Variants in IL1RAPL1 observed in about 807,000 individuals in gnomAD.
IL1RAPL1 encodes interleukin 1 receptor accessory protein like 1.
IL1RAPL1 carries 3 observed loss-of-function variants against 48.4 expected under a neutral mutation model. The observed-to-expected ratio is 0.06, with a 90% CI of 0.03 to 0.16. IL1RAPL1 has a LOEUF of 0.16. Ranked by LOEUF, IL1RAPL1 falls within the 10% of genes least tolerant of loss-of-function variation. The pLI, the probability that IL1RAPL1 is intolerant of heterozygous loss-of-function variation, is 1.00. For synonymous variants in IL1RAPL1, 185 were observed against 187.7 expected (o/e 0.99, Z 0.12); for missense variants, 349 against 530.6 (o/e 0.66, Z 3.36).
At position 28,858,548 on chromosome X, in the gene IL1RAPL1, G is replaced by A. The variant is rs768856756; in HGVS notation, c.82+69123G>A. Among the ~76,000 whole-genome samples the A allele has an allele frequency of 2.5e-3, 283 of 112,345 alleles. 1 individual carries two copies. Among genetic ancestry groups the A allele is most frequent in the African/African-American group, 8.7e-3 (269 of 30,950 alleles). On this transcript the variant is annotated intron_variant, in intron 2 of 10. Coordinates refer to ENST00000378993, the MANE Select transcript of IL1RAPL1 (RefSeq NM_014271.4). ...TCCACCAGCAAAAAGATTAAGATTTGTGGAAGGCTCAGATGATCATTAACA... is the reference window on the plus strand; with the variant it reads ...TCCACCAGCAAAAAGATTAAGATTTATGGAAGGCTCAGATGATCATTAACA...
chrX:29,562,034 TTCTATCTATCTATCTATCTATCTA>T (rs61324448), intron 5 of IL1RAPL1, among the ~76,000 whole-genome samples: 23 of 93,076 alleles, frequency 2.5e-4, no homozygotes, highest in South Asian at 1.5e-3. Flanking sequence ...TCTTTTTCAA[TTCTATCTATCTATCTATCTATCTA>T]TCTATCTATC....
chrX:29,937,037 G>T (rs947417931), intron 8 of IL1RAPL1, among the ~76,000 whole-genome samples: 3 of 111,446 alleles, frequency 2.7e-5, no homozygotes, highest in Non-Finnish European at 5.7e-5. Context: ...CTAAATGATC[G>T]CTGGGGCCCT....
intron 2 of IL1RAPL1, among the ~76,000 whole-genome samples, chrX:28,967,891 AGAG>A (rs1924959553): frequency 8.9e-6 from 1 of 112,042 alleles, no homozygotes; most frequent in African/African-American, 3.2e-5. Context: ...TAATTTGTAA[AGAG>A]GAGAAAAATA....
intron 3 of IL1RAPL1, among the ~76,000 whole-genome samples, chrX:29,333,189 C>T (rs1424500878): frequency 1.7e-4 from 18 of 106,909 alleles, no homozygotes; most frequent in Admixed American, 1.3e-3. Context: ...GGGTCGTGGC[C>T]GGGCAGAGGG....
At chrX:29,761,966 CCT>C (rs770483639) in intron 6 of IL1RAPL1, among the ~76,000 whole-genome samples, 15 of 111,666 alleles carry the variant, frequency 1.3e-4, no homozygotes, top group Non-Finnish European at 2.8e-4. Flanking sequence ...GTAGCATTCC[CCT>C]GTCTGTAATA....
At chrX:28,669,565 C>T (rs1024125422) in intron 1 of IL1RAPL1, among the ~76,000 whole-genome samples, 1 of 107,254 alleles carries the variant, frequency 9.3e-6, no homozygotes, top group South Asian at 3.9e-4. Context: ...TTGCAGTGAA[C>T]GGAGATTGCA....
intron 3 of IL1RAPL1, among the ~76,000 whole-genome samples, chrX:29,393,352 A>T (rs1405731580): frequency 1.8e-5 from 2 of 111,710 alleles, no homozygotes; most frequent in African/African-American, 6.5e-5. Context: ...CGATCTCCTG[A>T]CCTCGTGATC....
intron 2 of IL1RAPL1, among the ~76,000 whole-genome samples, chrX:28,852,122 G>A (rs1273153604): frequency 9.0e-6 from 1 of 111,437 alleles, no homozygotes; most frequent in South Asian, 3.7e-4. Flanking sequence ...GAACAGGGAC[G>A]CACACAGGGA....
intron 6 of IL1RAPL1, among the ~76,000 whole-genome samples, chrX:29,758,635 G>T (rs1928673757): frequency 9.2e-6 from 1 of 109,017 alleles, no homozygotes; most frequent in Non-Finnish European, 1.9e-5. Context: ...GGCGGAGGTT[G>T]CAGTGAGCCG....
intron 2 of IL1RAPL1, among the ~76,000 whole-genome samples, chrX:29,196,894 A>C (rs1046733783): frequency 8.2e-5 from 9 of 110,420 alleles, no homozygotes; most frequent in Non-Finnish European, 1.5e-4. Context: ...AATGGGAAGC[A>C]ATAATATTGC....
chrX:29,350,952 A>G (rs893771813), intron 3 of IL1RAPL1, among the ~76,000 whole-genome samples: 34 of 111,470 alleles, frequency 3.1e-4, no homozygotes, highest in African/African-American at 1.1e-3. Flanking sequence ...GCAGTTTCCA[A>G]GAACCTATAG....
At chrX:29,780,287 T>G (rs1929307689) in intron 6 of IL1RAPL1, among the ~76,000 whole-genome samples, 1 of 112,311 alleles carries the variant, frequency 8.9e-6, no homozygotes, top group African/African-American at 3.2e-5. Context: ...AAATTGAAAT[T>G]ATCTAATCTG....
intron 1 of IL1RAPL1, among the ~76,000 whole-genome samples, chrX:28,772,521 T>G (rs1320779799): frequency 9.0e-6 from 1 of 111,580 alleles, no homozygotes; most frequent in Non-Finnish European, 1.9e-5. Context: ...CCAGGAAATG[T>G]GAGGGTATTT....
At chrX:29,091,769 A>G (rs1422234008) in intron 2 of IL1RAPL1, among the ~76,000 whole-genome samples, 1 of 111,361 alleles carries the variant, frequency 9.0e-6, no homozygotes, top group African/African-American at 3.3e-5. Context: ...GCCATAACCT[A>G]AAAACAATAA....
chrX:28,962,346 CTCT>C (rs910836396), intron 2 of IL1RAPL1, among the ~76,000 whole-genome samples: 3 of 111,485 alleles, frequency 2.7e-5, no homozygotes, highest in African/African-American at 6.5e-5. Context: ...TTCAAACTAC[CTCT>C]TCTTATGTTT....
At chrX:28,737,180 T>TTC (rs1236325123) in intron 1 of IL1RAPL1, among the ~76,000 whole-genome samples, 9 of 98,398 alleles carry the variant, frequency 9.1e-5, no homozygotes, top group African/African-American at 1.8e-4. Context: ...CTTCCTTCCT[T>TTC]TCTTTCCTTT....
chrX:29,392,039 AT>A (rs201198853), intron 3 of IL1RAPL1, among the ~76,000 whole-genome samples: 14 of 109,574 alleles, frequency 1.3e-4, no homozygotes, highest in South Asian at 1.2e-3. Flanking sequence ...AGACAACTAG[AT>A]TTTTTTTTTA....
intron 2 of IL1RAPL1, among the ~76,000 whole-genome samples, chrX:29,144,035 C>T (rs781159255): frequency 6.3e-4 from 70 of 111,538 alleles, no homozygotes; most frequent in Non-Finnish European, 1.7e-4. Flanking sequence ...ACTTAACCTT[C>T]ATTGTGTAGT....
chrX:29,316,169 G>A (rs548739900), intron 3 of IL1RAPL1, among the ~76,000 whole-genome samples: 3 of 111,620 alleles, frequency 2.7e-5, no homozygotes, highest in African/African-American at 9.8e-5. Context: ...GGCCATTCCC[G>A]GACTGCTTTC....
Sources: allele counts gnomAD v4.1 joint callset (sites outside exome capture counted in the v4.1 genomes callset), GRCh38; gene constraint gnomAD v4.1.1; transcripts MANE v1.5; gene names NCBI Gene and HGNC (gene_info 2026-07-23, HGNC 2026-07-21).